ZNRF1: variants seen among roughly 807,000 people sequenced by gnomAD.
ZNRF1 encodes E3 ubiquitin-protein ligase ZNRF1.
ZNRF1 carries 3 observed loss-of-function variants against 18.4 expected under a neutral mutation model. That is an observed-to-expected ratio of 0.16 (90% CI 0.07 to 0.42). ZNRF1 has a LOEUF of 0.42. Among genes scored for constraint, ZNRF1 ranks in the 10% least tolerant of loss-of-function variants. ZNRF1 has a pLI of 0.99. For missense variants in ZNRF1, 310 were observed against 329.8 expected (o/e 0.94, Z 0.47); for synonymous variants, 157 against 144.2 (o/e 1.09, Z -0.64).
intron 1 of ZNRF1, among the ~76,000 whole-genome samples, chr16:75,006,798 T>G (rs907559905): frequency 6.6e-6 from 1 of 152,196 alleles, no homozygotes; most frequent in African/African-American, 2.4e-5. Context: ...CCAAGCTTTC[T>G]CATGGCCTAG....
intron 1 of ZNRF1, among the ~76,000 whole-genome samples, chr16:75,063,361 G>T (rs1468843632): frequency 6.6e-6 from 1 of 152,124 alleles, no homozygotes. Flanking sequence ...GGAGGTGAGG[G>T]TTTAATTCCA....
chr16:75,064,481 G>A (rs979031795), intron 1 of ZNRF1, among the ~76,000 whole-genome samples: 4 of 151,800 alleles, frequency 2.6e-5, no homozygotes, highest in South Asian at 2.1e-4. Context: ...GTTTGAGCCC[G>A]GGGTGCAGAG....
rs544279388 is a variant in ZNRF1 at position 75,108,224 on chromosome 16, G to T, written c.*524G>T. On this transcript the variant is annotated 3_prime_UTR_variant, in exon 5 of 5. Coordinates refer to ENST00000335325, the MANE Select transcript of ZNRF1 (RefSeq NM_032268.5). ...AACTTCTCTACTTTGGGTTTGTTTG[G>T]TTTTTTCCCTCTATTTTTCTGGCTG... 3.2e-5 allele frequency: 6 copies of T among 188,528 alleles called. No individual in the cohort carries two copies. The highest frequency in any genetic ancestry group is 1.3e-4 in the East Asian group (1 of 7,566). The allele number at this position is 188,528 out of a possible 1,614,324, so 11.7% of individuals were successfully genotyped here.
chr16:75,050,003 C>T (rs1044256747), intron 1 of ZNRF1, among the ~76,000 whole-genome samples: 4 of 152,142 alleles, frequency 2.6e-5, no homozygotes, highest in African/African-American at 9.7e-5. Flanking sequence ...TCCTCCCCAT[C>T]CCTAATACCA....
chr16:75,016,374 G>A (rs1336339611), intron 1 of ZNRF1, among the ~76,000 whole-genome samples: 2 of 151,816 alleles, frequency 1.3e-5, no homozygotes, highest in African/African-American at 4.8e-5. Context: ...GAGTAGCTGG[G>A]ATTACAGGCA....
intron 1 of ZNRF1, among the ~76,000 whole-genome samples, chr16:75,049,155 C>T (rs1042068047): frequency 5.3e-5 from 8 of 151,860 alleles, no homozygotes; most frequent in African/African-American, 1.9e-4. Context: ...CAGGTGTGCA[C>T]CACCACACCC....
At chr16:75,010,550 A>T (rs1597855342) in intron 1 of ZNRF1, among the ~76,000 whole-genome samples, 1 of 152,108 alleles carries the variant, frequency 6.6e-6, no homozygotes, top group South Asian at 2.1e-4. Flanking sequence ...GTATTTAGGT[A>T]TGTATGGTCT....
intron 1 of ZNRF1, among the ~76,000 whole-genome samples, chr16:75,002,089 C>G (rs549266995): frequency 6.6e-6 from 1 of 152,294 alleles, no homozygotes; most frequent in South Asian, 2.1e-4. Flanking sequence ...TGATAGCATC[C>G]AGCAGTTCAG....
intron 1 of ZNRF1, among the ~76,000 whole-genome samples, chr16:75,018,476 G>C (rs186401244): frequency 2.6e-5 from 4 of 152,166 alleles, no homozygotes; most frequent in Admixed American, 2.0e-4. Context: ...TAGAATCTAT[G>C]ATCATGGGAA....
At chr16:75,050,029 C>T (rs1248293520) in intron 1 of ZNRF1, among the ~76,000 whole-genome samples, 1 of 152,152 alleles carries the variant, frequency 6.6e-6, no homozygotes, top group African/African-American at 2.4e-5. Context: ...CCACTAGTCT[C>T]TTCTCCAGCT....
intron 1 of ZNRF1, among the ~76,000 whole-genome samples, chr16:75,093,124 C>T (rs1203360345): frequency 4.6e-5 from 7 of 152,182 alleles, no homozygotes; most frequent in South Asian, 2.1e-4. Flanking sequence ...GTGGCTCATG[C>T]CTGTAATCTC....
chr16:75,070,719 T>G (rs547599703), intron 1 of ZNRF1, among the ~76,000 whole-genome samples: 1 of 152,134 alleles, frequency 6.6e-6, no homozygotes, highest in African/African-American at 2.4e-5. Flanking sequence ...CTTTCCTGAC[T>G]TGTAACAGCG....
chr16:75,051,846 A>G (rs2035610578), intron 1 of ZNRF1, among the ~76,000 whole-genome samples: 1 of 152,198 alleles, frequency 6.6e-6, no homozygotes, highest in Admixed American at 6.5e-5. Flanking sequence ...TTGTTTAATC[A>G]TCACAAATCT....
intron 1 of ZNRF1, among the ~76,000 whole-genome samples, chr16:75,050,287 A>C (rs1597880555): frequency 6.6e-6 from 1 of 152,160 alleles, no homozygotes; most frequent in African/African-American, 2.4e-5. Context: ...GCACTTGGTG[A>C]GGTCGAGGCG....
At chr16:75,073,282 T>C (rs2035896571) in intron 1 of ZNRF1, among the ~76,000 whole-genome samples, 1 of 152,138 alleles carries the variant, frequency 6.6e-6, no homozygotes, top group South Asian at 2.1e-4. Flanking sequence ...GTTGATTGCT[T>C]GCTAGTTTTT....
At position 75,022,542 on chromosome 16, in the gene ZNRF1, G is replaced by A. The variant is rs1332213254; in HGVS notation, c.424+22447G>A. ...GATTGTGCCACTGCACTCCAGCCTG[G>A]GCGACAAAGCGAGACTCCGTCTCAA... On this transcript the variant is annotated intron_variant, in intron 1 of 4. Coordinates refer to ENST00000335325, the MANE Select transcript of ZNRF1 (RefSeq NM_032268.5). 3.3e-5 allele frequency among the ~76,000 whole-genome samples: 5 copies of A among 151,838 alleles called. No homozygotes were observed. In the East Asian group the frequency reaches 7.7e-4, roughly 23 times the overall value.
chr16:75,027,356 A>C (rs2035239005), intron 1 of ZNRF1, among the ~76,000 whole-genome samples: 1 of 152,212 alleles, frequency 6.6e-6, no homozygotes, highest in Non-Finnish European at 1.5e-5. Flanking sequence ...TTGGCCATCA[A>C]AAATTGAATT....
chr16:75,034,461 T>C (rs2035351152), intron 1 of ZNRF1, among the ~76,000 whole-genome samples: 1 of 152,246 alleles, frequency 6.6e-6, no homozygotes, highest in Non-Finnish European at 1.5e-5. Flanking sequence ...GGAGCAAATG[T>C]CAGAATTTAC....
At chr16:75,048,393 A>G (rs1022981653) in intron 1 of ZNRF1, among the ~76,000 whole-genome samples, 4 of 152,338 alleles carry the variant, frequency 2.6e-5, no homozygotes, top group East Asian at 3.9e-4. Flanking sequence ...ACTTCAGCAT[A>G]TAAATTTGGG....
Sources: gnomAD v4.1 joint callset for allele counts (sites outside exome capture counted in the v4.1 genomes callset) on GRCh38, gnomAD v4.1.1 for gene constraint, MANE v1.5 for transcripts, NCBI Gene and HGNC (gene_info 2026-07-23, HGNC 2026-07-21) for gene names.